L3MBTL4: variants seen among roughly 807,000 people sequenced by gnomAD.
The protein encoded by L3MBTL4 is L3MBTL histone methyl-lysine binding protein 4, also known as lethal(3)malignant brain tumor-like protein 4.
Under a neutral mutation model 84.5 loss-of-function variants are expected in L3MBTL4, and 70 were observed. That is an observed-to-expected ratio of 0.83 (90% CI 0.68 to 1.01). L3MBTL4 has a LOEUF of 1.01. Among genes scored for constraint, L3MBTL4 ranks in the 50% least tolerant of loss-of-function variants. The probability of loss-of-function intolerance (pLI) is 0.00; values close to 1 mark genes in which losing one functional copy is unlikely to be tolerated. For missense variants in L3MBTL4, 715 were observed against 754.8 expected (o/e 0.95, Z 0.62); for synonymous variants, 274 against 259.8 (o/e 1.05, Z -0.52).
intron 16 of L3MBTL4, among the ~76,000 whole-genome samples, chr18:6,065,897 G>T (rs544003552): frequency 2.6e-4 from 39 of 151,562 alleles, no homozygotes; most frequent in Non-Finnish European, 4.7e-4. Context: ...CTTCTCTTGG[G>T]TTTGGGTTTA....
chr18:6,149,043 A>T (rs944961265), intron 13 of L3MBTL4, among the ~76,000 whole-genome samples: 3 of 152,102 alleles, frequency 2.0e-5, no homozygotes, highest in African/African-American at 4.8e-5. Context: ...AGGAGTTTTT[A>T]AAAATTTTTT....
intron 16 of L3MBTL4, among the ~76,000 whole-genome samples, chr18:5,990,520 A>G (rs966593477): frequency 1.3e-5 from 2 of 152,216 alleles, no homozygotes; most frequent in Admixed American, 6.5e-5. Context: ...GAATTTAGTC[A>G]CAAACCCAGA....
chr18:6,187,980 CTTAA>C, intron 12 of L3MBTL4, among the ~76,000 whole-genome samples: 1 of 151,018 alleles, frequency 6.6e-6, no homozygotes. Flanking sequence ...TAGTTTTCTA[CTTAA>C]TTTATTTTAG....
chr18:6,295,346 CTATA>C lies in L3MBTL4; in HGVS notation c.127+6553_127+6556del, dbSNP rs71163269. ...TCTCTCTCTCTCTCTCTCTCTCTCT[CTATA>C]TATATATATATATATATATATACAG... is the stretch of plus-strand genomic sequence containing the variant. On this transcript the variant is annotated intron_variant, in intron 4 of 18. Transcript: ENST00000317931. Among the ~76,000 whole-genome samples the C allele has an allele frequency of 7.0e-3, 568 of 81,292 alleles. 6 individuals are homozygous for C. Among genetic ancestry groups the C allele is most frequent in the African/African-American group, 0.021 (316 of 15,056 alleles). 53.3% of individuals were successfully genotyped at this position (81,292 alleles called of 152,430 possible). A position where few individuals can be genotyped will look rare whatever the true frequency, so the allele number is the denominator to read the frequency against.
At chr18:6,298,675 C>T (rs2050205329) in intron 4 of L3MBTL4, among the ~76,000 whole-genome samples, 1 of 152,146 alleles carries the variant, frequency 6.6e-6, no homozygotes, top group South Asian at 2.1e-4. Flanking sequence ...GAGTTTGAGA[C>T]CAGCCTGGCC....
At chr18:6,111,009 C>T (rs1323932496) in intron 14 of L3MBTL4, among the ~76,000 whole-genome samples, 2 of 151,970 alleles carry the variant, frequency 1.3e-5, no homozygotes, top group African/African-American at 2.4e-5. Context: ...CTCTCCTCTG[C>T]CCTCCTTTTC....
intron 13 of L3MBTL4, among the ~76,000 whole-genome samples, chr18:6,149,928 C>A (rs991432393): frequency 1.3e-5 from 2 of 152,104 alleles, no homozygotes; most frequent in Admixed American, 1.3e-4. Flanking sequence ...CAAATTGACA[C>A]TAAACTGGGA....
chr18:6,140,481 G>A (rs1374494246), intron 13 of L3MBTL4, among the ~76,000 whole-genome samples: 2 of 152,026 alleles, frequency 1.3e-5, no homozygotes, highest in African/African-American at 2.4e-5. Context: ...TCAAAACACC[G>A]GTGTCCCACA....
At chr18:6,158,855 T>C (rs2043203804) in intron 13 of L3MBTL4, among the ~76,000 whole-genome samples, 1 of 152,152 alleles carries the variant, frequency 6.6e-6, no homozygotes, top group Non-Finnish European at 1.5e-5. Context: ...CTAAAAGGGC[T>C]GGTAGGTGAG....
intron 14 of L3MBTL4, among the ~76,000 whole-genome samples, chr18:6,108,578 G>C (rs1419747155): frequency 2.0e-5 from 3 of 152,082 alleles, no homozygotes; most frequent in African/African-American, 7.2e-5. Context: ...TTCACAGCTA[G>C]AGTCACTGAC....
chr18:5,970,553 T>C (rs2052590639), intron 16 of L3MBTL4, among the ~76,000 whole-genome samples: 1 of 152,200 alleles, frequency 6.6e-6, no homozygotes, highest in Non-Finnish European at 1.5e-5. Flanking sequence ...AATGCCTTTA[T>C]AAGGACATCT....
intron 16 of L3MBTL4, among the ~76,000 whole-genome samples, chr18:5,998,315 G>A (rs1002622347): frequency 1.3e-5 from 2 of 152,228 alleles, no homozygotes; most frequent in East Asian, 1.9e-4. Context: ...ACAGGGAGAA[G>A]CCCCCTCCCC....
At chr18:6,035,943 T>A (rs577214807) in intron 16 of L3MBTL4, among the ~76,000 whole-genome samples, 1 of 152,260 alleles carries the variant, frequency 6.6e-6, no homozygotes, top group Non-Finnish European at 1.5e-5. Context: ...AACTAAAACC[T>A]CCCTTGCTTT....
intron 1 of L3MBTL4, among the ~76,000 whole-genome samples, chr18:6,361,385 CG>C (rs1010719476): frequency 6.6e-6 from 1 of 152,158 alleles, no homozygotes; most frequent in Non-Finnish European, 1.5e-5. Flanking sequence ...CTGCCCCAAC[CG>C]TGCAAATTTT....
rs75409875 is a variant in L3MBTL4, at chr18:6,349,431, C to A, written c.-90-37375G>T. On this transcript the variant is annotated intron_variant, in intron 1 of 18. Transcript: ENST00000317931. ...TATGCTAAACAAAAGAAGCCAAACA[C>A]GAAAGAATACACACTGGCTTGGTGC... is the stretch of plus-strand genomic sequence containing the variant. Among the ~76,000 whole-genome samples the A allele has an allele frequency of 9.3e-3, 1,414 of 152,206 alleles. 23 individuals carry two copies. The highest frequency in any genetic ancestry group is 0.033 in the African/African-American group (1,357 of 41,534).
intron 14 of L3MBTL4, among the ~76,000 whole-genome samples, chr18:6,133,311 T>C (rs1040067025): frequency 7.3e-5 from 11 of 150,418 alleles, no homozygotes; most frequent in African/African-American, 1.5e-4. Context: ...ACGAGTACCA[T>C]AGTGGGTGTT....
chr18:6,035,188 A>G (rs2056064012), intron 16 of L3MBTL4, among the ~76,000 whole-genome samples: 1 of 150,542 alleles, frequency 6.6e-6, no homozygotes, highest in Admixed American at 6.6e-5. Context: ...TTTTGTTGCC[A>G]TTGCTTTTGC....
At chr18:6,333,585 A>C (rs1002809353) in intron 1 of L3MBTL4, among the ~76,000 whole-genome samples, 20 of 152,280 alleles carry the variant, frequency 1.3e-4, no homozygotes, top group African/African-American at 4.3e-4. Context: ...AAAAAAAAAA[A>C]AAAAACCTAA....
intron 8 of L3MBTL4, 65 bp downstream of exon 8, chr18:6,241,293 T>G: frequency 1.1e-6 from 1 of 890,764 alleles, no homozygotes; most frequent in Non-Finnish European, 1.9e-6. Flanking sequence ...ACAGAATATA[T>G]AGTGAATTTT....
Sources: allele counts gnomAD v4.1 joint callset (sites outside exome capture counted in the v4.1 genomes callset), GRCh38; gene constraint gnomAD v4.1.1; transcripts MANE v1.5; gene names NCBI Gene and HGNC (gene_info 2026-07-23, HGNC 2026-07-21).